ZC3H14: variants seen among roughly 807,000 people sequenced by gnomAD.
The protein encoded by ZC3H14 is zinc finger CCCH-type containing 14, also known as zinc finger CCCH domain-containing protein 14.
Under a neutral mutation model 92.4 loss-of-function variants are expected in ZC3H14, and 31 were observed. The ratio of observed to expected loss-of-function variants is 0.34; its 90% CI spans 0.25 to 0.45. ZC3H14 has a LOEUF of 0.45. ZC3H14 is among the 20% of genes least tolerant of loss of function. The pLI is 1.00. For synonymous variants in ZC3H14, 321 were observed against 300.9 expected (o/e 1.07, Z -0.69); for missense variants, 781 against 897.3 (o/e 0.87, Z 1.66).
intron 10 of ZC3H14, among the ~76,000 whole-genome samples, chr14:88,601,662 C>T (rs1276175438): frequency 6.6e-6 from 1 of 152,122 alleles, no homozygotes; most frequent in Non-Finnish European, 1.5e-5. Flanking sequence ...AGATGCCTCA[C>T]CTGAGAACCT....
intron 7 of ZC3H14, 149 bp from the exon 8 acceptor site, chr14:88,575,691 T>C: frequency 1.7e-6 from 1 of 597,134 alleles, no homozygotes; most frequent in East Asian, 2.9e-5. Flanking sequence ...AAAAAAAAAA[T>C]AAGGTTCCAG....
chr14:88,619,667 T>A lies in ZC3H14; in HGVS notation c.*7916T>A, dbSNP rs1203718858. 4 of 151,326 alleles carry A rather than the reference T, an allele frequency of 2.6e-5. No individual in the cohort carries two copies. Among genetic ancestry groups the A allele is most frequent in the African/African-American group, 9.8e-5 (4 of 41,010 alleles). The allele number at this position is 151,326 out of a possible 1,614,324, so 9.4% of individuals were successfully genotyped here. On this transcript the variant is annotated 3_prime_UTR_variant, in exon 17 of 17. Transcript: ENST00000251038. ...AGTTATTAAGGTGAAATGACACAAC[T>A]TGAATCTTGGAAGAAGAATTTTTTT...
chr14:88,616,101 G>A lies in ZC3H14; in HGVS notation c.*4350G>A, dbSNP rs754539822. The A allele has an allele frequency of 6.3e-7, 1 of 1,593,238 alleles. No individual in the cohort carries two copies. Among genetic ancestry groups the A allele is most frequent in the South Asian group, 1.1e-5 (1 of 90,560 alleles). ...GTTGTTGTATTAAGTCTCTTAACTA[G>A]TAACATAGTCTGCTCTTCATGGGCT... On this transcript the variant is annotated 3_prime_UTR_variant, in exon 17 of 17. Coordinates refer to ENST00000251038, the MANE Select transcript of ZC3H14 (RefSeq NM_024824.5).
chr14:88,591,818 C>G (rs974964880), intron 9 of ZC3H14: 1 of 152,212 alleles, frequency 6.6e-6, no homozygotes, highest in Non-Finnish European at 1.5e-5. Context: ...ACCCAGAGTT[C>G]TCTGTGACAT....
chr14:88,590,760 AG>A (rs1207461451), intron 9 of ZC3H14: 2 of 152,060 alleles, frequency 1.3e-5, no homozygotes, highest in African/African-American at 2.4e-5. Context: ...GTCCTTTTTG[AG>A]CAGGGATTTA....
In ZC3H14 at chr14:88,612,059, C is replaced by T; in HGVS notation, c.*308C>T. The T allele has an allele frequency of 2.5e-6, 1 of 407,532 alleles. No individual in the cohort carries two copies. Among genetic ancestry groups the T allele is most frequent in the African/African-American group, 2.0e-5 (1 of 49,460 alleles). 25.2% of individuals were successfully genotyped at this position (407,532 alleles called of 1,614,324 possible). On this transcript the variant is annotated 3_prime_UTR_variant, in exon 17 of 17. Coordinates refer to ENST00000251038, the MANE Select transcript of ZC3H14 (RefSeq NM_024824.5). Reference sequence around the variant, plus strand: ...TGTGAGGATCAGCATATGAAATTGACATCATGGTTAGTCATGGTACTGCAG... The same window carrying T: ...TGTGAGGATCAGCATATGAAATTGATATCATGGTTAGTCATGGTACTGCAG...
In ZC3H14 at chr14:88,627,382, A is replaced by G. The variant is rs1393607284; in HGVS notation, c.*15631A>G. On this transcript the variant is annotated 3_prime_UTR_variant, in exon 17 of 17. Coordinates refer to ENST00000251038, the MANE Select transcript of ZC3H14 (RefSeq NM_024824.5). ...CAATCAAATCATTAATAATAAATACATAGTTTCTTGCTGGAAGAAAATAGC... is the reference window on the plus strand; with the variant it reads ...CAATCAAATCATTAATAATAAATACGTAGTTTCTTGCTGGAAGAAAATAGC... 1 of 478,068 alleles carries G rather than the reference A, an allele frequency of 2.1e-6. No homozygotes were observed. The highest frequency in any genetic ancestry group is 3.8e-5 in the Admixed American group (1 of 26,208). The allele number at this position is 478,068 out of a possible 1,614,324, so 29.6% of individuals were successfully genotyped here.
chr14:88,617,150 C>CTTT lies in ZC3H14; in HGVS notation c.*5410_*5412dup, dbSNP rs1358683137. 1.6e-5 allele frequency: 3 copies of CTTT among 185,012 alleles called. No homozygotes were observed. Among genetic ancestry groups the CTTT allele is most frequent in the Non-Finnish European group, 3.3e-5 (3 of 91,612 alleles). The allele number at this position is 185,012 out of a possible 1,614,324, so 11.5% of individuals were successfully genotyped here. ...ATGAAAACTGATAGAACTATTTTTTCTTTTTTTTTTTTTGAGACGGAGTTT... is the reference window on the plus strand; with the variant it reads ...ATGAAAACTGATAGAACTATTTTTTCTTTTTTTTTTTTTTTTGAGACGGAGTTT... On this transcript the variant is annotated 3_prime_UTR_variant, in exon 17 of 17. Transcript: ENST00000251038.
rs367969370 is a variant in ZC3H14 at position 88,595,070 on chromosome 14, C to G, written c.1280-1664C>G. 9.9e-6 allele frequency: 16 copies of G among 1,613,032 alleles called. No homozygotes were observed. Among genetic ancestry groups the G allele is most frequent in the Admixed American group, 6.7e-5 (4 of 59,992 alleles). ...GATACTGAATCACAGTCAAGAACTA[C>G]TGATGTAAAAATAATCGGCTTCCTT... On this transcript the variant is annotated intron_variant, in intron 9 of 16. Coordinates refer to ENST00000251038, the MANE Select transcript of ZC3H14 (RefSeq NM_024824.5).
chr14:88,582,033 A>G (rs527959657), intron 9 of ZC3H14, among the ~76,000 whole-genome samples: 1 of 152,336 alleles, frequency 6.6e-6, no homozygotes, highest in South Asian at 2.1e-4. Context: ...GTCCGTGGCT[A>G]CTTTCATACT....
intron 1 of ZC3H14, chr14:88,563,428 C>A (rs547939254): frequency 7.0e-7 from 1 of 1,426,562 alleles, no homozygotes; most frequent in African/African-American, 1.5e-5. Context: ...CCGCGGCGCA[C>A]GGCGCCGCTT....
intron 11 of ZC3H14, 88 bp downstream of exon 11, chr14:88,602,171 CCTAACCG>C: frequency 6.3e-7 from 1 of 1,576,518 alleles, no homozygotes; most frequent in Non-Finnish European, 8.7e-7. Flanking sequence ...TCCTCCCCGC[CCTAACCG>C]CTAGCGTAGA....
chr14:88,594,484 C>A, intron 9 of ZC3H14: 1 of 1,339,242 alleles, frequency 7.5e-7, no homozygotes. Flanking sequence ...TAGCGAAGAG[C>A]AATTGGTCTG....
chr14:88,621,527 T>A lies in ZC3H14; in HGVS notation c.*9776T>A. On this transcript the variant is annotated 3_prime_UTR_variant, in exon 17 of 17. Coordinates refer to ENST00000251038, the MANE Select transcript of ZC3H14 (RefSeq NM_024824.5). ...ACATATTAGAGTCCATGCTACAGAA[T>A]AGAACTTTTCTGTGGCAGTACACCT... 1 of 562,224 alleles carries A rather than the reference T, an allele frequency of 1.8e-6. No homozygotes were observed. The highest frequency in any genetic ancestry group is 3.1e-6 in the Non-Finnish European group (1 of 320,136). 34.8% of individuals were successfully genotyped at this position (562,224 alleles called of 1,614,324 possible).
intron 2 of ZC3H14, among the ~76,000 whole-genome samples, chr14:88,566,060 A>G (rs1196252808): frequency 1.6e-5 from 1 of 61,608 alleles, no homozygotes; most frequent in African/African-American, 6.2e-5. Context: ...TTGTGTTTTT[A>G]GTGGAGACGG....
At chr14:88,585,037 A>G (rs2082314007) in intron 9 of ZC3H14, among the ~76,000 whole-genome samples, 1 of 152,166 alleles carries the variant, frequency 6.6e-6, no homozygotes. Context: ...GGGAAGTCAA[A>G]AGTTGTATGT....
chr14:88,589,988 G>C (rs555351083), intron 9 of ZC3H14: 1 of 152,244 alleles, frequency 6.6e-6, no homozygotes, highest in Admixed American at 6.5e-5. Flanking sequence ...ATATTAGCTG[G>C]GCATGATGGC....
chr14:88,616,141 C>T lies in ZC3H14; in HGVS notation c.*4390C>T. The T allele has an allele frequency of 2.5e-6, 4 of 1,613,642 alleles. No individual in the cohort carries two copies. Among genetic ancestry groups the T allele is most frequent in the Non-Finnish European group, 3.4e-6 (4 of 1,179,626 alleles). ...CTTCATGGGCTGAGAAAGTTACTAA[C>T]CTGCAGTCATCACCTCCAGCACTAA... On this transcript the variant is annotated 3_prime_UTR_variant, in exon 17 of 17. Transcript: ENST00000251038.
intron 2 of ZC3H14, 60 bp from the exon 3 acceptor site, chr14:88,567,979 C>A (rs2079917721): frequency 7.3e-7 from 1 of 1,370,662 alleles, no homozygotes; most frequent in Admixed American, 1.8e-5. Flanking sequence ...TCAAGCACAT[C>A]AACTTTAAGA....
Sources: gnomAD v4.1 joint callset for allele counts (sites outside exome capture counted in the v4.1 genomes callset) on GRCh38, gnomAD v4.1.1 for gene constraint, MANE v1.5 for transcripts, NCBI Gene and HGNC (gene_info 2026-07-23, HGNC 2026-07-21) for gene names.